MSRA: variants seen among roughly 807,000 people sequenced by gnomAD.
The protein encoded by MSRA is mitochondrial peptide methionine sulfoxide reductase.
In MSRA, 54 loss-of-function variants were observed where a neutral mutation model predicts 31.3. The observed-to-expected ratio is 1.73, with a 90% CI of 1.39 to 2.17. The LOEUF (loss-of-function observed/expected upper bound fraction) is 2.17. MSRA is among the 30% of genes most tolerant of loss of function. MSRA has a pLI of 0.00. For synonymous variants in MSRA, 169 were observed against 116.5 expected, an observed-to-expected ratio of 1.45 and a Z score of -2.90; for missense variants, 507 against 300.9, an observed-to-expected ratio of 1.69 and a Z score of -5.07.
intron 2 of MSRA, among the ~76,000 whole-genome samples, chr8:10,239,184 A>G (rs567518902): frequency 1.3e-5 from 2 of 151,332 alleles, no homozygotes; most frequent in East Asian, 1.9e-4. Context: ...TTTTTTTAAG[A>G]TGGAGTTTTG....
intron 5 of MSRA, among the ~76,000 whole-genome samples, chr8:10,403,304 G>A (rs1164782629): frequency 6.6e-6 from 1 of 152,188 alleles, no homozygotes; most frequent in East Asian, 1.9e-4. Flanking sequence ...GGAGAAAAAT[G>A]ACATCAACCC....
At chr8:10,096,060 T>A in intron 1 of MSRA, 2 of 1,385,772 alleles carry the variant, frequency 1.4e-6, no homozygotes, top group Non-Finnish European at 1.9e-6. Context: ...TTTTAGATTT[T>A]ATTTTATTTT....
intron 5 of MSRA, among the ~76,000 whole-genome samples, chr8:10,401,253 A>G (rs1463119351): frequency 2.0e-5 from 3 of 152,260 alleles, no homozygotes; most frequent in Admixed American, 1.3e-4. Context: ...GGGACTTTGA[A>G]TAGACATTTC....
At chr8:10,229,096 T>C (rs531576763) in intron 2 of MSRA, among the ~76,000 whole-genome samples, 16 of 152,330 alleles carry the variant, frequency 1.1e-4, no homozygotes, top group African/African-American at 3.1e-4. Context: ...ATAAATAATT[T>C]AGTTCTACTC....
chr8:10,093,612 A>G (rs1175064478), intron 1 of MSRA, among the ~76,000 whole-genome samples: 3 of 152,200 alleles, frequency 2.0e-5, no homozygotes, highest in African/African-American at 7.2e-5. Flanking sequence ...TATTTTAGAA[A>G]TGCTTAAGGA....
chr8:10,400,191 A>T (rs1440331042), intron 5 of MSRA, among the ~76,000 whole-genome samples: 4 of 152,006 alleles, frequency 2.6e-5, no homozygotes, highest in Non-Finnish European at 5.9e-5. Flanking sequence ...CTCTGGAGGA[A>T]TTGTGGAGGC....
At chr8:10,241,920 T>C (rs570737453) in intron 2 of MSRA, among the ~76,000 whole-genome samples, 3 of 152,318 alleles carry the variant, frequency 2.0e-5, no homozygotes, top group South Asian at 4.1e-4. Context: ...TCAAGTAGAC[T>C]GTGATCTTCA....
chr8:10,065,489 T>G (rs1029666620), intron 1 of MSRA, among the ~76,000 whole-genome samples: 8 of 152,222 alleles, frequency 5.3e-5, no homozygotes, highest in African/African-American at 1.9e-4. Context: ...AGACCTTGGA[T>G]GAGTAGGGTT....
chr8:10,168,413 C>T (rs1186829811), intron 1 of MSRA, among the ~76,000 whole-genome samples: 1 of 152,168 alleles, frequency 6.6e-6, no homozygotes, highest in Admixed American at 6.5e-5. Context: ...ATCTCCAGCA[C>T]AGCCACTGTT....
chr8:10,233,708 A>C (rs996654001), intron 2 of MSRA, among the ~76,000 whole-genome samples: 7 of 152,230 alleles, frequency 4.6e-5, no homozygotes, highest in African/African-American at 1.7e-4. Flanking sequence ...GAGATGTGTC[A>C]ACTGACATGT....
chr8:10,257,857 G>C (rs10089697), intron 3 of MSRA, among the ~76,000 whole-genome samples: 3 of 152,156 alleles, frequency 2.0e-5, no homozygotes, highest in African/African-American at 7.2e-5. Context: ...TGCTTGATGG[G>C]ACTGATGTCT....
chr8:10,237,273 C>A (rs1812025688), intron 2 of MSRA, among the ~76,000 whole-genome samples: 1 of 152,198 alleles, frequency 6.6e-6, no homozygotes, highest in Non-Finnish European at 1.5e-5. Flanking sequence ...TGAATGTCTG[C>A]CAGTTAAGAT....
intron 3 of MSRA, among the ~76,000 whole-genome samples, chr8:10,260,755 G>T: frequency 6.6e-6 from 1 of 151,928 alleles, no homozygotes; most frequent in Non-Finnish European, 1.5e-5. Context: ...CATTGTGTGC[G>T]TGTGTGTGTG....
rs140667199 is a variant in MSRA at position 10,234,835 on chromosome 8, A to G, written c.212-10269A>G. On this transcript the variant is annotated intron_variant, in intron 2 of 5. Coordinates refer to ENST00000317173, the MANE Select transcript of MSRA (RefSeq NM_012331.5). Reference sequence around the variant, plus strand: ...TTTAAGAACAAAAGACTTTAATAGCATTAAAAATACTAAACAATAACAAAA... The same window carrying G: ...TTTAAGAACAAAAGACTTTAATAGCGTTAAAAATACTAAACAATAACAAAA... Among the ~76,000 whole-genome samples, 55 of 152,258 alleles carry G rather than the reference A, an allele frequency of 3.6e-4. No individual in the cohort carries two copies. In the Middle Eastern group the frequency reaches 0.01, roughly 28 times the overall value.
intron 5 of MSRA, 51 bp downstream of exon 5, chr8:10,320,040 C>T (rs1801960522): frequency 8.1e-7 from 1 of 1,241,366 alleles, no homozygotes; most frequent in Non-Finnish European, 1.1e-6. Context: ...ATGACTAGGG[C>T]CAGGTTCTGA....
chr8:10,321,543 A>G (rs1802043274), intron 5 of MSRA, among the ~76,000 whole-genome samples: 1 of 152,172 alleles, frequency 6.6e-6, no homozygotes, highest in African/African-American at 2.4e-5. Flanking sequence ...GATGGCCCCC[A>G]GTGCTCTCTG....
At chr8:10,400,475 G>A (rs775047945) in intron 5 of MSRA, among the ~76,000 whole-genome samples, 10 of 152,064 alleles carry the variant, frequency 6.6e-5, no homozygotes, top group Non-Finnish European at 1.5e-4. Flanking sequence ...GTGACTGCTG[G>A]GAGGAGAAGC....
chr8:10,063,612 AG>A (rs1165654985), intron 1 of MSRA, among the ~76,000 whole-genome samples: 1 of 152,170 alleles, frequency 6.6e-6, no homozygotes. Context: ...ATTAGTCATG[AG>A]GGTGGAACAC....
intron 3 of MSRA, among the ~76,000 whole-genome samples, chr8:10,252,168 G>A (rs1410598097): frequency 6.6e-6 from 1 of 152,228 alleles, no homozygotes; most frequent in Non-Finnish European, 1.5e-5. Flanking sequence ...TAAGGGAACT[G>A]AGGCTGAGAG....
Sources: gnomAD v4.1 joint callset for allele counts (sites outside exome capture counted in the v4.1 genomes callset) on GRCh38, gnomAD v4.1.1 for gene constraint, MANE v1.5 for transcripts, NCBI Gene and HGNC (gene_info 2026-07-23, HGNC 2026-07-21) for gene names.